The following KCNMB1 variants were observed in gnomAD, a reference collection of about 807,000 sequenced individuals.
KCNMB1 encodes the protein potassium calcium-activated channel subfamily M regulatory beta subunit 1, also known as calcium-activated potassium channel subunit beta-1.
KCNMB1 carries 22 observed loss-of-function variants against 21.7 expected under a neutral mutation model. The observed-to-expected ratio is 1.01, with a 90% CI of 0.72 to 1.45. KCNMB1 has a LOEUF of 1.45. Among genes scored for constraint, KCNMB1 ranks in the 40% most tolerant of loss-of-function variants. The pLI is 0.00. For synonymous variants in KCNMB1, 114 were observed against 107.6 expected, an observed-to-expected ratio of 1.06 and a Z score of -0.37; for missense variants, 243 against 243.4, an observed-to-expected ratio of 1.00 and a Z score of 0.01.
At position 170,375,159 on chromosome 5, in the gene KCNMB1, C is replaced by T. The variant is rs1017011706; in HGVS notation, c.*3545G>A. Reference sequence around the variant, plus strand: ...AATTGTAGATTCACATGAAGCTTTACGAAATAATACAGAGACATTCCGTGC... The same window carrying T: ...AATTGTAGATTCACATGAAGCTTTATGAAATAATACAGAGACATTCCGTGC... On this transcript the variant is annotated 3_prime_UTR_variant, in exon 4 of 4. Coordinates refer to ENST00000274629, the MANE Select transcript of KCNMB1 (RefSeq NM_004137.4). 2.6e-5 allele frequency: 4 copies of T among 152,170 alleles called. No homozygotes were observed. The highest frequency in any genetic ancestry group is 7.2e-5 in the African/African-American group (3 of 41,438). The allele number at this position is 152,170 out of a possible 1,614,324, so 9.4% of individuals were successfully genotyped here.
chr5:170,379,914 T>C (rs905149226), intron 3 of KCNMB1, among the ~76,000 whole-genome samples: 1 of 146,570 alleles, frequency 6.8e-6, no homozygotes, highest in Non-Finnish European at 1.5e-5. Flanking sequence ...ATCTCGCAAC[T>C]ACACTCCAGG....
intron 1 of KCNMB1, among the ~76,000 whole-genome samples, chr5:170,385,803 AC>A (rs1279896661): frequency 6.6e-6 from 1 of 152,014 alleles, no homozygotes; most frequent in Non-Finnish European, 1.5e-5. Context: ...TGTGGCAATG[AC>A]TTTGCAGAAA....
intron 1 of KCNMB1, among the ~76,000 whole-genome samples, chr5:170,385,692 G>GACT (rs1419070485): frequency 7.7e-6 from 1 of 129,362 alleles, no homozygotes; most frequent in Non-Finnish European, 1.7e-5. Flanking sequence ...GCTCAGAGAG[G>GACT]TAAAGTGACT....
intron 3 of KCNMB1, among the ~76,000 whole-genome samples, chr5:170,381,603 AGC>A (rs1554087932): frequency 2.4e-4 from 37 of 152,208 alleles, no homozygotes; most frequent in Non-Finnish European, 4.6e-4. Flanking sequence ...CAGCTCCTGC[AGC>A]CTGCTATCAG....
chr5:170,382,448 C>A (rs1207362127), intron 3 of KCNMB1, among the ~76,000 whole-genome samples: 17 of 152,150 alleles, frequency 1.1e-4, no homozygotes, highest in African/African-American at 3.9e-4. Context: ...TGGGAACAGA[C>A]CTTAGTCTGC....
At chr5:170,386,812 G>A (rs1328795256) in intron 1 of KCNMB1, among the ~76,000 whole-genome samples, 3 of 151,942 alleles carry the variant, frequency 2.0e-5, no homozygotes, top group African/African-American at 2.4e-5. Flanking sequence ...AAGCAGAATG[G>A]GCACATTCTG....
intron 3 of KCNMB1, among the ~76,000 whole-genome samples, chr5:170,381,570 A>G (rs978526626): frequency 6.6e-6 from 1 of 152,136 alleles, no homozygotes; most frequent in African/African-American, 2.4e-5. Context: ...AAAAACACGA[A>G]GGGCATTTCC....
chr5:170,385,955 TA>T (rs548199277), intron 1 of KCNMB1, among the ~76,000 whole-genome samples: 348 of 141,348 alleles, frequency 2.5e-3, no homozygotes, highest in African/African-American at 3.0e-3. Context: ...CCATCTCTAC[TA>T]AAAAAAAAAA....
chr5:170,377,472 C>T lies in KCNMB1; in HGVS notation c.*1232G>A, dbSNP rs1175578740. The T allele has an allele frequency of 6.6e-6, 1 of 152,220 alleles. No individual in the cohort carries two copies. Among genetic ancestry groups the T allele is most frequent in the Admixed American group, 6.5e-5 (1 of 15,278 alleles). The allele number at this position is 152,220 out of a possible 1,614,324, so 9.4% of individuals were successfully genotyped here. ...TTGCCCTTTTCAAATCTGAGATAGG[C>T]TTCCCCAGCAGGCTCAGTGCCAGAG... On this transcript the variant is annotated 3_prime_UTR_variant, in exon 4 of 4. Transcript: ENST00000274629.
intron 3 of KCNMB1, chr5:170,383,049 A>G (rs1332473045): frequency 6.5e-6 from 1 of 152,812 alleles, no homozygotes; most frequent in African/African-American, 2.4e-5. Context: ...AGAAGGAAAG[A>G]AAGAAGGAAG....
chr5:170,384,624 C>T (rs1218215568), intron 2 of KCNMB1, among the ~76,000 whole-genome samples: 1 of 152,244 alleles, frequency 6.6e-6, no homozygotes, highest in Non-Finnish European at 1.5e-5. Context: ...CTGTCAGCTG[C>T]TGGAACGTGC....
In KCNMB1 at chr5:170,376,571, T is replaced by C. The variant is rs1764015418; in HGVS notation, c.*2133A>G. ...TGTGTTGTTCCCCTCTTTGTGTCCA[T>C]GTGTTTTCATCATTTAGCTCCCACT... On this transcript the variant is annotated 3_prime_UTR_variant, in exon 4 of 4. Transcript: ENST00000274629. 1 of 152,174 alleles carries C rather than the reference T, an allele frequency of 6.6e-6. No individual in the cohort carries two copies. Among genetic ancestry groups the C allele is most frequent in the Non-Finnish European group, 1.5e-5 (1 of 68,038 alleles). 9.4% of individuals were successfully genotyped at this position (152,174 alleles called of 1,614,324 possible).
At chr5:170,380,287 G>A (rs937881945) in intron 3 of KCNMB1, among the ~76,000 whole-genome samples, 2 of 152,170 alleles carry the variant, frequency 1.3e-5, no homozygotes, top group Non-Finnish European at 2.9e-5. Flanking sequence ...TACCTACAGG[G>A]CCCCCATAGC....
chr5:170,384,771 A>G (rs1000680260), intron 2 of KCNMB1, among the ~76,000 whole-genome samples: 2 of 152,240 alleles, frequency 1.3e-5, no homozygotes, highest in African/African-American at 4.8e-5. Flanking sequence ...GAGCAAGGGC[A>G]TGGACCATTC....
At chr5:170,382,071 C>T (rs1319852190) in intron 3 of KCNMB1, among the ~76,000 whole-genome samples, 1 of 152,196 alleles carries the variant, frequency 6.6e-6, no homozygotes, top group Non-Finnish European at 1.5e-5. Context: ...GCCATCAAGT[C>T]CGGACTGTCA....
Position 170,385,400 on chromosome 5 carries a change from G to C in KCNMB1, c.48C>G (p.Ala16=). The C allele has an allele frequency of 6.2e-7, 1 of 1,614,064 alleles. No individual in the cohort carries two copies. The highest frequency in any genetic ancestry group is 8.5e-7 in the Non-Finnish European group (1 of 1,180,018). The change falls in exon 2 of 4, where the codon GCC becomes GCG. Residue 16 remains alanine, a synonymous_variant. Coordinates refer to ENST00000274629, the MANE Select transcript of KCNMB1 (RefSeq NM_004137.4). ...CCACCATGGTTACACCCAGGCAAAG[G>C]GCTCGTGTCTCTCCCCGCTTCTGGG... is the stretch of plus-strand genomic sequence containing the variant. ...VMAQKRGETR[A]LCLGVTMVVC... is the part of the protein sequence containing the mutation.
chr5:170,383,561 T>C, intron 3 of KCNMB1, 118 bp downstream of exon 3: 1 of 1,124,218 alleles, frequency 8.9e-7, no homozygotes, highest in Non-Finnish European at 1.3e-6. Context: ...TCATTCCAGC[T>C]GTGAGACCTG....
intron 3 of KCNMB1, chr5:170,382,920 G>A (rs887892151): frequency 2.7e-5 from 4 of 149,352 alleles, no homozygotes; most frequent in African/African-American, 1.0e-4. Flanking sequence ...ATAAATAAAT[G>A]AGAGGAGGAA....
At position 170,384,105 on chromosome 5, in the gene KCNMB1, C is replaced by G. The variant is rs138991025; in HGVS notation, c.135-255G>C. On this transcript the variant is annotated intron_variant, in intron 2 of 3. Transcript: ENST00000274629. ...CAACCTTGGCTACTCTTGCAACAACCTGGGGAGCTTCTAAAAAGATTCCCG... is the reference window on the plus strand; with the variant it reads ...CAACCTTGGCTACTCTTGCAACAACGTGGGGAGCTTCTAAAAAGATTCCCG... Among the ~76,000 whole-genome samples the G allele has an allele frequency of 5.4e-4, 83 of 152,316 alleles. No individual in the cohort carries two copies. In the East Asian group the frequency reaches 0.014, roughly 25 times the overall value.
Sources: gnomAD v4.1 joint callset for allele counts (sites outside exome capture counted in the v4.1 genomes callset) on GRCh38, gnomAD v4.1.1 for gene constraint, MANE v1.5 for transcripts, NCBI Gene and HGNC (gene_info 2026-07-23, HGNC 2026-07-21) for gene names.